The following GPAT2 variants were observed in gnomAD, a reference collection of about 807,000 sequenced individuals.
The protein encoded by GPAT2 is glycerol-3-phosphate acyltransferase 2, mitochondrial, also known as 1-acylglycerol-3-phosphate O-acyltransferase GPAT2.
Under a neutral mutation model 71.0 loss-of-function variants are expected in GPAT2, and 51 were observed. The observed-to-expected ratio is 0.72, with a 90% CI of 0.57 to 0.91. The LOEUF is 0.91. Among genes scored for constraint, GPAT2 ranks in the 40% least tolerant of loss-of-function variants. The pLI, the probability that GPAT2 is intolerant of heterozygous loss-of-function variation, is 0.00. For missense variants in GPAT2, 511 were observed against 666.0 expected (o/e 0.77, Z 2.56); for synonymous variants, 222 against 290.3 (o/e 0.76, Z 2.39).
chr2:96,025,110 T>C, intron 13 of GPAT2: 2 of 594,896 alleles, frequency 3.4e-6, no homozygotes, highest in Non-Finnish European at 6.0e-6. Flanking sequence ...TGGATCTCCC[T>C]ATAAGGGCCC....
intron 12 of GPAT2, 32 bp downstream of exon 12, chr2:96,025,898 C>A (rs1387303176): frequency 1.9e-6 from 3 of 1,599,948 alleles, no homozygotes; most frequent in Non-Finnish European, 2.6e-6. Context: ...GCTTGCCTTG[C>A]CCCCTGAGAC....
Position 96,024,427 on chromosome 2 carries a change from C to T in GPAT2, c.1687G>A (p.Ala563Thr), listed in dbSNP as rs777443244. 26 of 1,613,268 alleles carry T rather than the reference C, an allele frequency of 1.6e-5. No homozygotes were observed. The East Asian group carries it at 2.2e-4, about 14-fold the overall frequency. ...LPVFLSEAVG[A>T]CAVRGLLAGR... ...CTACCCCGTGCACCTCAAGACTCAC[C>T]GCCCACAGCCTCGCTCAGGAAGACG... Residue 563 changes from alanine (A) to threonine (T), a missense_variant and splice_region_variant, in exon 15 of 22, where the codon GCC (alanine) becomes ACC (threonine). Ala to Thr is a moderately conservative substitution (Grantham distance 58, BLOSUM62 0). Around this residue, in one of 7 missense-constraint regions of GPAT2, gnomAD observed 295 missense variants for 305.5 expected, o/e 0.97. Coordinates refer to ENST00000434632, the MANE Select transcript of GPAT2 (RefSeq NM_001321527.2).
intron 13 of GPAT2, chr2:96,025,243 C>G: frequency 1.7e-6 from 1 of 579,442 alleles, no homozygotes; most frequent in Non-Finnish European, 3.0e-6. Context: ...GGGGAAGCAG[C>G]TGCAGCCTCC....
intron 10 of GPAT2, 178 bp from the exon 11 acceptor site, chr2:96,026,483 A>C: frequency 2.2e-6 from 1 of 455,368 alleles, no homozygotes; most frequent in Non-Finnish European, 3.5e-6. Context: ...TATCCATGAC[A>C]CAGGAAAAAT....
chr2:96,023,386 G>A lies in GPAT2; in HGVS notation c.1969C>T (p.Leu657=). 6.2e-7 allele frequency: 1 copy of A among 1,614,188 alleles called. No individual in the cohort carries two copies. Among genetic ancestry groups the A allele is most frequent in the Non-Finnish European group, 8.5e-7 (1 of 1,180,026 alleles). ...DTGRQRLSRK[L]LWKPSGDFTD... ...AAGTCCCCACTCGGTTTCCACAGCA[G>A]CTTTCTGCTCAATCGCTGTCGCCCT... Residue 657 remains leucine (L), a synonymous_variant, in exon 18 of 22, where the codon CTG becomes TTG. Transcript: ENST00000434632.
rs777936443 is a variant in GPAT2 at position 96,022,216 on chromosome 2, G to A, written c.2349C>T (p.Ala783=). The change falls in exon 22 of 22, where the codon GCC becomes GCT. Residue 783 remains alanine, a synonymous_variant. Transcript: ENST00000434632. ...CTAGTTTTTCCTGATTGTCCAGGCT[G>A]GCAAAAGTAGGGGACAGGTGGAGCC... ...GPRLHLSPTF[A]SLDNQEKLEQ... is the part of the protein sequence containing the mutation. 2 of 1,610,832 alleles carry A rather than the reference G, an allele frequency of 1.2e-6. No homozygotes were observed. The highest frequency in any genetic ancestry group is 8.5e-7 in the Non-Finnish European group (1 of 1,179,158).
rs537140195 is a variant in GPAT2 at position 96,024,859 on chromosome 2, G to T, written c.1358-16C>A. 4.3e-6 allele frequency: 7 copies of T among 1,612,170 alleles called. No individual in the cohort carries two copies. In the African/African-American group the frequency reaches 8.0e-5, roughly 18 times the overall value. ...CCTACACTGGCTGGAGTGGGGCGGG[G>T]GGTGGAGATGCTGGTCAGGTTGAGG... On this transcript the variant is annotated splice_polypyrimidine_tract_variant and intron_variant, in intron 13 of 21. Transcript: ENST00000434632.
In GPAT2 at chr2:96,022,679, T is replaced by G. The variant is rs753712317; in HGVS notation, c.2278A>C (p.Arg760=). The part of the protein sequence containing the change: ...KLAISAVWTF[R]DLGVLQQTPS... The stretch of plus-strand genomic sequence containing the variant: ...GTGGCTCCTCTCACCCCTAGGTCTC[T>G]GAAGGTCCAGACAGCACTGATGGCG... The change falls in exon 21 of 22, where the codon AGA becomes CGA. Residue 760 remains arginine (R), a synonymous_variant. Coordinates refer to ENST00000434632, the MANE Select transcript of GPAT2 (RefSeq NM_001321527.2). The G allele has an allele frequency of 1.2e-6, 2 of 1,613,964 alleles. No homozygotes were observed. Among genetic ancestry groups the G allele is most frequent in the Non-Finnish European group, 1.7e-6 (2 of 1,179,856 alleles).
At chr2:96,030,613 G>C in intron 5 of GPAT2, 79 bp from the exon 6 acceptor site, 1 of 808,410 alleles carries the variant, frequency 1.2e-6, no homozygotes, top group Non-Finnish European at 1.8e-6. Context: ...CTTAAGGAAG[G>C]GTTCCAGGCA....
rs1204910494 is a variant in GPAT2 at position 96,023,041 on chromosome 2, C to T, written c.2168-18G>A. On this transcript the variant is annotated intron_variant, in intron 19 of 21. Coordinates refer to ENST00000434632, the MANE Select transcript of GPAT2 (RefSeq NM_001321527.2). The stretch of plus-strand genomic sequence containing the variant: ...GCCCAACTCTGCAGAAGAGAGAAGA[C>T]CTAGACCTGGCACCCAGCACAGACA... 3 of 1,613,994 alleles carry T rather than the reference C, an allele frequency of 1.9e-6. No individual in the cohort carries two copies. The highest frequency in any genetic ancestry group is 8.5e-7 in the Non-Finnish European group (1 of 1,179,862).
Position 96,022,292 on chromosome 2 carries a change from A to G in GPAT2, c.2290-17T>C. On this transcript the variant is annotated splice_polypyrimidine_tract_variant and intron_variant, in intron 21 of 21. Coordinates refer to ENST00000434632, the MANE Select transcript of GPAT2 (RefSeq NM_001321527.2). Reference sequence around the variant, plus strand: ...CTGCAGAACCTGGGCCATGGAAGATAAGCCGTGAGTGCGCTCACCACAGGG... The same window carrying G: ...CTGCAGAACCTGGGCCATGGAAGATGAGCCGTGAGTGCGCTCACCACAGGG... 2 of 1,577,708 alleles carry G rather than the reference A, an allele frequency of 1.3e-6. No homozygotes were observed. Among genetic ancestry groups the G allele is most frequent in the South Asian group, 1.1e-5 (1 of 87,678 alleles).
rs142519133 is a variant in GPAT2 at position 96,024,730 on chromosome 2, A to ACC, written c.1428+41_1428+42dup. The ACC allele has an allele frequency of 8.5e-5, 137 of 1,609,258 alleles. No homozygotes were observed. In the East Asian group the frequency reaches 1.1e-3, roughly 13 times the overall value. On this transcript the variant is annotated intron_variant, in intron 14 of 21. Transcript: ENST00000434632. Reference sequence around the variant, plus strand: ...CTAGGCAGCAGGGCCACACATCGCCACCCCCCCCACCGCCCAGGTCCCCAC... The same window carrying ACC: ...CTAGGCAGCAGGGCCACACATCGCCACCCCCCCCCCACCGCCCAGGTCCCCAC...
At chr2:96,025,042 G>C (rs1438842505) in intron 13 of GPAT2, 199 bp from the exon 14 acceptor site, 3 of 645,714 alleles carry the variant, frequency 4.6e-6, no homozygotes, top group Non-Finnish European at 5.5e-6. Context: ...GGATCTCATC[G>C]TAGGGCCCAC....
Position 96,023,309 on chromosome 2 carries a change from C to A in GPAT2, c.2046G>T (p.Arg682Ser), listed in dbSNP as rs1187769445. Residue 682 changes from arginine to serine, a missense_variant and splice_region_variant, in exon 18 of 22, where the codon AGG becomes AGT. Around this residue, in one of 7 missense-constraint regions of GPAT2, gnomAD observed 295 missense variants for 305.5 expected, o/e 0.97. Coordinates refer to ENST00000434632, the MANE Select transcript of GPAT2 (RefSeq NM_001321527.2). The part of the protein sequence containing the change: ...DFGEADGRYF[R>S]LSQQSHCPDF... The stretch of plus-strand genomic sequence containing the variant: ...CCAGGGGCAGCTTTTTGAAACACAC[C>A]CTGAAGTACCGGCCGTCAGCCTCTC... The A allele has an allele frequency of 6.2e-6, 10 of 1,614,178 alleles. No individual in the cohort carries two copies. The highest frequency in any genetic ancestry group is 8.5e-6 in the Non-Finnish European group (10 of 1,180,004).
intron 10 of GPAT2, 142 bp from the exon 11 acceptor site, chr2:96,026,447 G>C (rs1170788532): frequency 5.8e-5 from 40 of 692,104 alleles, no homozygotes; most frequent in Non-Finnish European, 8.5e-5. Context: ...ACTGGTGCGT[G>C]ACCTTGTCCC....
In GPAT2 at chr2:96,024,812, C is replaced by T. The variant is rs768355496; in HGVS notation, c.1389G>A (p.Thr463=). The T allele has an allele frequency of 6.5e-5, 105 of 1,613,604 alleles. No homozygotes were observed. The highest frequency in any genetic ancestry group is 1.7e-4 in the Middle Eastern group (1 of 5,858). Residue 463 remains threonine, a synonymous_variant, in exon 14 of 22, where the codon ACG becomes ACA. Coordinates refer to ENST00000434632, the MANE Select transcript of GPAT2 (RefSeq NM_001321527.2). ...AGAGCAGCAGCGTTGCCATAATGGC[C>T]GTGCTCATCACCGCAGAGCTCCCTA... ...ASVGSSAVMS[T]AIMATLLLFK... is the part of the protein sequence containing the mutation.
At chr2:96,026,144 A>C (rs2104651463) in intron 11 of GPAT2, 39 bp downstream of exon 11, 1 of 1,579,392 alleles carries the variant, frequency 6.3e-7, no homozygotes, top group East Asian at 2.2e-5. Context: ...TAGGACAGAC[A>C]CCCCAGGTAC....
rs1228904551 is a variant in GPAT2 at position 96,024,839 on chromosome 2, A to G, written c.1362T>C (p.Ser454=). 3.1e-6 allele frequency: 5 copies of G among 1,612,530 alleles called. No homozygotes were observed. The highest frequency in any genetic ancestry group is 2.2e-5 in the South Asian group (2 of 91,034). ...TGCTCATCACCGCAGAGCTCCCTAC[A>G]CTGGCTGGAGTGGGGCGGGGGGTGG... ...RRLSCHVLSA[S]VGSSAVMSTA... Residue 454 remains serine (S), a synonymous_variant, in exon 14 of 22, where the codon AGT becomes AGC. Transcript: ENST00000434632.
chr2:96,022,837 C>T, intron 20 of GPAT2, 114 bp from the exon 21 acceptor site: 2 of 1,612,568 alleles, frequency 1.2e-6, no homozygotes, highest in South Asian at 1.1e-5. Context: ...TCTGACTGGA[C>T]AGAAGACTGT....
Sources: gnomAD v4.1 joint callset for allele counts on GRCh38, gnomAD v4.1.1 for gene constraint, gnomAD v4.1.1 regional missense constraint, MANE v1.5 for transcripts, NCBI Gene and HGNC (gene_info 2026-07-23, HGNC 2026-07-21) for gene names.